The following RTN4 variants were observed in gnomAD, a reference collection of about 807,000 sequenced individuals.
The protein encoded by RTN4 is reticulon 4.
Under a neutral mutation model 90.4 loss-of-function variants are expected in RTN4, and 32 were observed. The observed-to-expected ratio is 0.35, with a 90% CI of 0.27 to 0.48. The LOEUF (loss-of-function observed/expected upper bound fraction) is 0.48. Ranked by LOEUF, RTN4 falls within the 20% of genes least tolerant of loss-of-function variation. The pLI is 0.99. For synonymous variants in RTN4, 629 were observed against 552.5 expected (o/e 1.14, Z -1.94); for missense variants, 1,706 against 1,430.2 (o/e 1.19, Z -3.11).
chr2:55,049,047 C>A (rs903838628), intron 1 of RTN4: 6 of 958,440 alleles, frequency 6.3e-6, no homozygotes, highest in Middle Eastern at 5.3e-4. Flanking sequence ...CCACATCACA[C>A]CCCGGGGAGC....
In RTN4 at chr2:54,973,223, A is replaced by G. The variant is rs758788978; in HGVS notation, c.3537-25T>C. On this transcript the variant is annotated intron_variant, in intron 8 of 8. Coordinates refer to ENST00000337526, the MANE Select transcript of RTN4 (RefSeq NM_020532.5). Reference sequence around the variant, plus strand: ...TCTGAAAATGAAAAAGTCAATGTAAATATCAGTTTTGTTTGCTGCTGCTTA... The same window carrying G: ...TCTGAAAATGAAAAAGTCAATGTAAGTATCAGTTTTGTTTGCTGCTGCTTA... The G allele has an allele frequency of 4.2e-5, 67 of 1,588,134 alleles. 1 individual carries two copies. The Admixed American group carries it at 4.4e-4, about 10-fold the overall frequency.
chr2:55,106,888 G>A (rs2105062835), intron 1 of RTN4, among the ~76,000 whole-genome samples: 1 of 152,282 alleles, frequency 6.6e-6, no homozygotes, highest in South Asian at 2.1e-4. Context: ...TTTAAAGAAA[G>A]TGAACCAAAA....
chr2:55,091,221 T>C (rs2105044248), intron 1 of RTN4, among the ~76,000 whole-genome samples: 1 of 152,238 alleles, frequency 6.6e-6, no homozygotes, highest in South Asian at 2.1e-4. Context: ...CCCATTGCAA[T>C]CCAAATTCCT....
intron 2 of RTN4, among the ~76,000 whole-genome samples, chr2:55,065,773 A>G (rs1036323813): frequency 2.0e-5 from 3 of 152,150 alleles, no homozygotes; most frequent in African/African-American, 7.2e-5. Flanking sequence ...AACATGCAAA[A>G]CTAATCTATG....
intron 3 of RTN4, among the ~76,000 whole-genome samples, chr2:55,023,545 C>T (rs2104848493): frequency 6.6e-6 from 1 of 152,198 alleles, no homozygotes; most frequent in South Asian, 2.1e-4. Flanking sequence ...TTCTCTCTAA[C>T]ACTAATTCTT....
At chr2:55,064,738 A>G (rs1668361120) in intron 2 of RTN4, among the ~76,000 whole-genome samples, 1 of 152,198 alleles carries the variant, frequency 6.6e-6, no homozygotes, top group African/African-American at 2.4e-5. Flanking sequence ...CTTACTTAAA[A>G]ATGTTCATGA....
Position 54,973,004 on chromosome 2 carries a change from C to A in RTN4, c.*152G>T. 1.8e-6 allele frequency: 1 copy of A among 569,120 alleles called. No homozygotes were observed. The highest frequency in any genetic ancestry group is 3.1e-6 in the Non-Finnish European group (1 of 321,784). 35.3% of individuals were successfully genotyped at this position (569,120 alleles called of 1,614,324 possible). A position where few individuals can be genotyped will look rare whatever the true frequency, so the allele number is the denominator to read the frequency against. ...TGGCAGTCAAGACAGGTAATTTTTC[C>A]TCACAACAGTGCATGGCTAAAAATA... On this transcript the variant is annotated 3_prime_UTR_variant, in exon 9 of 9. Coordinates refer to ENST00000337526, the MANE Select transcript of RTN4 (RefSeq NM_020532.5).
At chr2:55,071,520 A>G (rs1007918121) in intron 2 of RTN4, among the ~76,000 whole-genome samples, 2 of 138,460 alleles carry the variant, frequency 1.4e-5, no homozygotes, top group South Asian at 2.4e-4. Flanking sequence ...TGTTGCTGGT[A>G]TAGGAGAGGC....
At chr2:55,120,756 C>G in the RTN4 span, among the ~76,000 whole-genome samples, 3 of 152,016 alleles carry the variant, frequency 2.0e-5, no homozygotes, top group East Asian at 3.9e-4. Flanking sequence ...AGGCAGGGCT[C>G]GGGCGGGCTG....
Position 55,026,140 on chromosome 2 carries a change from A to T in RTN4, c.1959T>A (p.Pro653=). ...CCTCTTCATATGGTGGGGGGTTTTC[A>T]GGCTCATGTTTTATGCTTTCATAAT... ...SVNYESIKHE[P]ENPPPYEEAM... The change falls in exon 3 of 9, where the codon CCT becomes CCA. Residue 653 remains proline (P), a synonymous_variant. Transcript: ENST00000337526. 1 of 1,613,274 alleles carries T rather than the reference A, an allele frequency of 6.2e-7. No individual in the cohort carries two copies. The highest frequency in any genetic ancestry group is 8.5e-7 in the Non-Finnish European group (1 of 1,179,780).
At chr2:55,109,777 G>C (rs781273349) in intron 1 of RTN4, among the ~76,000 whole-genome samples, 1 of 152,218 alleles carries the variant, frequency 6.6e-6, no homozygotes, top group African/African-American at 2.4e-5. Context: ...GCAAACAGGA[G>C]CTCCAGGCAG....
intron 1 of RTN4, among the ~76,000 whole-genome samples, chr2:55,032,697 A>G (rs1380407979): frequency 1.3e-5 from 2 of 152,152 alleles, no homozygotes; most frequent in African/African-American, 4.8e-5. Flanking sequence ...AGAGACAATC[A>G]AGGAGTTAAA....
At chr2:54,980,102 C>T (rs1354334744) in intron 5 of RTN4, among the ~76,000 whole-genome samples, 1 of 152,184 alleles carries the variant, frequency 6.6e-6, no homozygotes, top group African/African-American at 2.4e-5. Context: ...AATGCAAGAA[C>T]TTATCAAGTT....
intron 3 of RTN4, among the ~76,000 whole-genome samples, chr2:55,015,973 C>T (rs1044343690): frequency 1.3e-5 from 2 of 152,108 alleles, no homozygotes; most frequent in Non-Finnish European, 2.9e-5. Context: ...AATGCTCATA[C>T]CCACTAACCT....
intron 2 of RTN4, among the ~76,000 whole-genome samples, chr2:55,071,037 A>G (rs1668503304): frequency 6.7e-6 from 1 of 148,722 alleles, no homozygotes; most frequent in Admixed American, 6.7e-5. Context: ...CGGCCTCCCA[A>G]AGTGCTGGGA....
chr2:55,004,482 A>G (rs1680064923), intron 3 of RTN4, among the ~76,000 whole-genome samples: 3 of 152,188 alleles, frequency 2.0e-5, no homozygotes, highest in Middle Eastern at 3.2e-3. Flanking sequence ...TGATTAACAG[A>G]ATGCCTTATC....
intron 1 of RTN4, among the ~76,000 whole-genome samples, chr2:55,047,198 C>T (rs1187518019): frequency 6.6e-6 from 1 of 151,904 alleles, no homozygotes; most frequent in African/African-American, 2.4e-5. Flanking sequence ...GGCGTGGTGG[C>T]AGGCGCCTGT....
intron 1 of RTN4, among the ~76,000 whole-genome samples, chr2:55,038,930 T>C (rs144169225): frequency 2.0e-5 from 3 of 152,312 alleles, no homozygotes; most frequent in East Asian, 3.8e-4. Flanking sequence ...AAGGAACAAA[T>C]TACTGATACC....
At chr2:55,002,203 C>T (rs13394823) in intron 3 of RTN4, among the ~76,000 whole-genome samples, 16,234 of 151,844 alleles carry the variant, frequency 0.11, 1,371 homozygotes, top group African/African-American at 0.23. Context: ...GGACCATAGG[C>T]GTGCACCACC....
Sources: gnomAD v4.1 joint callset for allele counts (sites outside exome capture counted in the v4.1 genomes callset) on GRCh38, gnomAD v4.1.1 for gene constraint, MANE v1.5 for transcripts, NCBI Gene and HGNC (gene_info 2026-07-23, HGNC 2026-07-21) for gene names.